GDPD5: variants seen among roughly 807,000 people sequenced by gnomAD.
The protein encoded by GDPD5 is glycerophosphodiester phosphodiesterase 2.
A neutral mutation model predicts 75.1 loss-of-function variants in GDPD5; 48 were observed. The ratio of observed to expected loss-of-function variants is 0.64; its 90% CI spans 0.51 to 0.81. The LOEUF (loss-of-function observed/expected upper bound fraction) is 0.81, where lower values mean the gene tolerates loss of function less well. GDPD5 is among the 40% of genes least tolerant of loss of function. GDPD5 has a pLI of 0.00. For missense variants in GDPD5, 706 were observed against 822.6 expected (o/e 0.86, Z 1.73); for synonymous variants, 336 against 339.0 (o/e 0.99, Z 0.10).
intron 2 of GDPD5, among the ~76,000 whole-genome samples, chr11:75,478,353 C>A (rs1949826352): frequency 6.6e-6 from 1 of 152,148 alleles, no homozygotes; most frequent in Non-Finnish European, 1.5e-5. Flanking sequence ...GCCATGTAGG[C>A]CAGGCTGGTC....
chr11:75,439,576 G>C (rs1208578956), intron 15 of GDPD5, among the ~76,000 whole-genome samples: 1 of 152,290 alleles, frequency 6.6e-6, no homozygotes, highest in East Asian at 1.9e-4. Flanking sequence ...CTGAGGGCTG[G>C]TGGGAACCCA....
intron 1 of GDPD5, among the ~76,000 whole-genome samples, chr11:75,492,879 C>T (rs1950135157): frequency 6.6e-6 from 1 of 151,858 alleles, no homozygotes; most frequent in Non-Finnish European, 1.5e-5. Context: ...ATTACAGACA[C>T]ACACCCCACC....
intron 1 of GDPD5, among the ~76,000 whole-genome samples, chr11:75,502,639 C>A (rs1950320669): frequency 6.6e-6 from 1 of 152,188 alleles, no homozygotes; most frequent in African/African-American, 2.4e-5. Context: ...TGTCCCCCCA[C>A]TTGAATCTGA....
At chr11:75,503,688 A>C (rs760862314) in intron 1 of GDPD5, among the ~76,000 whole-genome samples, 16 of 152,252 alleles carry the variant, frequency 1.1e-4, no homozygotes, top group Non-Finnish European at 2.2e-4. Flanking sequence ...CCCAGGTGCA[A>C]GGCAAGGACC....
chr11:75,476,218 A>G (rs150043042), intron 3 of GDPD5, among the ~76,000 whole-genome samples: 245 of 152,294 alleles, frequency 1.6e-3, no homozygotes, highest in Middle Eastern at 6.8e-3. Context: ...TTCTGAAGCC[A>G]AGATCACAAC....
Position 75,468,344 on chromosome 11 carries a change from C to T in GDPD5, c.118-5455G>A, listed in dbSNP as rs544586472. Among the ~76,000 whole-genome samples, 10 of 152,318 alleles carry T rather than the reference C, an allele frequency of 6.6e-5. No individual in the cohort carries two copies. The South Asian group carries it at 1.4e-3, about 22-fold the overall frequency. On this transcript the variant is annotated intron_variant, in intron 3 of 16. Transcript: ENST00000336898. The stretch of plus-strand genomic sequence containing the variant: ...GAGCGTGTCTGCAGCCTCCAGGACA[C>T]GAGCTCACCCTACTCTACTCCACTG...
rs1245076240 is a variant in GDPD5, at chr11:75,442,344, C to G, written c.1167+19G>C. 6.5e-7 allele frequency: 1 copy of G among 1,532,044 alleles called. No homozygotes were observed. The highest frequency in any genetic ancestry group is 2.5e-5 in the East Asian group (1 of 40,766). 94.9% of individuals were successfully genotyped at this position (1,532,044 alleles called of 1,614,324 possible). Reference sequence around the variant, plus strand: ...CAGGCCAGGGCTCCCGGGGGCAGAGCTGCGTTGCAGGGCCTCACCTGGTGC... The same window carrying G: ...CAGGCCAGGGCTCCCGGGGGCAGAGGTGCGTTGCAGGGCCTCACCTGGTGC... On this transcript the variant is annotated intron_variant, in intron 12 of 16. Coordinates refer to ENST00000336898, the MANE Select transcript of GDPD5 (RefSeq NM_030792.8).
chr11:75,473,082 C>T (rs1056499215), intron 3 of GDPD5, among the ~76,000 whole-genome samples: 49 of 151,578 alleles, frequency 3.2e-4, no homozygotes, highest in African/African-American at 1.1e-3. Context: ...CCTGTGGATG[C>T]GGAGAAGCTC....
intron 15 of GDPD5, chr11:75,439,428 T>C: frequency 2.2e-6 from 1 of 449,132 alleles, no homozygotes; most frequent in South Asian, 1.6e-5. Context: ...CAGAGCAGGA[T>C]GGGACAGAGA....
At position 75,494,246 on chromosome 11, in the gene GDPD5, G is replaced by A. The variant is rs555551589; in HGVS notation, c.-144-3926C>T. On this transcript the variant is annotated intron_variant, in intron 1 of 16. Coordinates refer to ENST00000336898, the MANE Select transcript of GDPD5 (RefSeq NM_030792.8). ...TTTTTTTGAGACAGAGTCTCGCTCT[G>A]TCACCCAGGCTGGAAGGCTGGAGTG... Among the ~76,000 whole-genome samples, 3 of 130,606 alleles carry A rather than the reference G, an allele frequency of 2.3e-5. No individual in the cohort carries two copies. In the East Asian group the frequency reaches 6.7e-4, roughly 29 times the overall value. 85.7% of individuals were successfully genotyped at this position (130,606 alleles called of 152,430 possible). A position where few individuals can be genotyped will look rare whatever the true frequency, so the allele number is the denominator to read the frequency against.
chr11:75,512,822 G>A (rs1175874108), intron 1 of GDPD5, among the ~76,000 whole-genome samples: 1 of 152,194 alleles, frequency 6.6e-6, no homozygotes, highest in Admixed American at 6.5e-5. Context: ...GGCCGAGGCA[G>A]GAGAATCACT....
At chr11:75,471,009 C>G (rs1049088883) in intron 3 of GDPD5, among the ~76,000 whole-genome samples, 2 of 152,234 alleles carry the variant, frequency 1.3e-5, no homozygotes, top group Non-Finnish European at 2.9e-5. Context: ...CAGAGCCCAG[C>G]TGCACCCTCA....
At chr11:75,480,327 CAAAA>C (rs142189915) in intron 2 of GDPD5, among the ~76,000 whole-genome samples, 1 of 120,510 alleles carries the variant, frequency 8.3e-6, no homozygotes, top group Non-Finnish European at 1.8e-5. Context: ...ATCTCCATCT[CAAAA>C]AAAAAAAAAA....
Position 75,477,643 on chromosome 11 carries a change from C to A in GDPD5, c.93G>T (p.Gln31His). 1 of 1,598,890 alleles carries A rather than the reference C, an allele frequency of 6.3e-7. No individual in the cohort carries two copies. The highest frequency in any genetic ancestry group is 8.6e-7 in the Non-Finnish European group (1 of 1,169,000). The change falls in exon 3 of 17, where the codon CAG (glutamine) becomes CAT (histidine). Residue 31 changes from glutamine to histidine, a missense_variant. Gln to His is a conservative substitution (Grantham distance 24). Coordinates refer to ENST00000336898, the MANE Select transcript of GDPD5 (RefSeq NM_030792.8). Reference protein sequence around the residue: ...GIYGCRWKRYQRSHDDTTPWE... With the variant: ...GIYGCRWKRYHRSHDDTTPWE... ...CCGGTGTGGTATCATCATGGGAGCGCTGGTAGCGCTTCCAACGGCAGCCGT... is the reference window on the plus strand; with the variant it reads ...CCGGTGTGGTATCATCATGGGAGCGATGGTAGCGCTTCCAACGGCAGCCGT...
At chr11:75,502,776 C>A (rs1450535517) in intron 1 of GDPD5, among the ~76,000 whole-genome samples, 1 of 152,194 alleles carries the variant, frequency 6.6e-6, no homozygotes, top group African/African-American at 2.4e-5. Context: ...CGTGTAGACA[C>A]TGTGATTGCT....
rs536995954 is a variant in GDPD5 at position 75,468,033 on chromosome 11, C to T, written c.118-5144G>A. Among the ~76,000 whole-genome samples, 96 of 152,276 alleles carry T rather than the reference C, an allele frequency of 6.3e-4. 1 individual carries two copies. Among genetic ancestry groups the T allele is most frequent in the Admixed American group, 3.5e-3 (53 of 15,294 alleles). ...TACAGTCACAGAGCACGACTGCAGC[C>T]GCAAACCCAGCCCCACACAGGAAGC... On this transcript the variant is annotated intron_variant, in intron 3 of 16. Coordinates refer to ENST00000336898, the MANE Select transcript of GDPD5 (RefSeq NM_030792.8).
rs745585758 is a variant in GDPD5, at chr11:75,449,531, C to T, written c.554G>A (p.Arg185His). 88 of 1,577,638 alleles carry T rather than the reference C, an allele frequency of 5.6e-5. No homozygotes were observed. In the East Asian group the frequency reaches 8.3e-4, roughly 15 times the overall value. ...LSWIVAGQFA[R>H]AERTSSQVTI... Reference sequence around the variant, plus strand: ...GTTCTACTCACAGGTCCGCTCTGCGCGGGCGAACTGTCCTGCCACGATCCA... The same window carrying T: ...GTTCTACTCACAGGTCCGCTCTGCGTGGGCGAACTGTCCTGCCACGATCCA... Residue 185 changes from arginine (R) to histidine (H), a missense_variant, in exon 8 of 17, where the codon CGC becomes CAC. Arg to His is a conservative substitution (Grantham distance 29, BLOSUM62 0). Transcript: ENST00000336898.
At chr11:75,487,062 C>T (rs1950033199) in intron 2 of GDPD5, among the ~76,000 whole-genome samples, 1 of 152,150 alleles carries the variant, frequency 6.6e-6, no homozygotes, top group Non-Finnish European at 1.5e-5. Context: ...GTGGGGGAGA[C>T]AGGAAAGATT....
Position 75,442,464 on chromosome 11 carries a change from G to A in GDPD5, c.1066C>T (p.Leu356=). 3 of 1,613,862 alleles carry A rather than the reference G, an allele frequency of 1.9e-6. No homozygotes were observed. The highest frequency in any genetic ancestry group is 2.5e-6 in the Non-Finnish European group (3 of 1,179,902). ...CGGGGCGGGTCACGCAGGTTGAGCAGCAGTGTGGCATTGCCCTTGGCCAGC... is the reference window on the plus strand; with the variant it reads ...CGGGGCGGGTCACGCAGGTTGAGCAACAGTGTGGCATTGCCCTTGGCCAGC... ...LELAKGNATL[L]LNLRDPPREH... is the part of the protein sequence containing the mutation. The change falls in exon 12 of 17, where the codon CTG becomes TTG. Residue 356 remains leucine (L), a synonymous_variant. Transcript: ENST00000336898.
Sources: gnomAD v4.1 joint callset for allele counts (sites outside exome capture counted in the v4.1 genomes callset) on GRCh38, gnomAD v4.1.1 for gene constraint, MANE v1.5 for transcripts, NCBI Gene and HGNC (gene_info 2026-07-23, HGNC 2026-07-21) for gene names.